Variants in NDE1 observed in about 807,000 individuals in gnomAD.
NDE1 encodes nudE neurodevelopment protein 1.
A neutral mutation model predicts 43.4 loss-of-function variants in NDE1; 28 were observed. That is an observed-to-expected ratio of 0.65 (90% confidence interval 0.48 to 0.89). NDE1 has a LOEUF of 0.89. Among genes scored for constraint, NDE1 ranks in the 40% least tolerant of loss-of-function variants. The probability of loss-of-function intolerance (pLI) is 0.00; values close to 1 mark genes in which losing one functional copy is unlikely to be tolerated. For missense variants in NDE1, 441 were observed against 434.1 expected, an observed-to-expected ratio of 1.02 and a Z score of -0.14; for synonymous variants, 184 against 172.0, an observed-to-expected ratio of 1.07 and a Z score of -0.55.
At chr16:15,675,219 A>G (rs1322499585) in intron 3 of NDE1, among the ~76,000 whole-genome samples, 1 of 145,706 alleles carries the variant, frequency 6.9e-6, no homozygotes, top group Admixed American at 6.8e-5. Flanking sequence ...CACCACTGCC[A>G]GAGAGTTTTG....
rs571540776 is a variant in NDE1 at position 15,720,214 on chromosome 16, C to T, written c.948-3977C>T. The T allele has an allele frequency of 7.4e-6, 12 of 1,614,146 alleles. No homozygotes were observed. In the South Asian group the frequency reaches 8.8e-5, roughly 12 times the overall value. On this transcript the variant is annotated intron_variant, in intron 8 of 8. Transcript: ENST00000396354. Reference sequence around the variant, plus strand: ...CCTTGATGGCAGAGTCGGCCTGAAGCTCCAGGTCTTTCAGGTCCCCTTCCA... The same window carrying T: ...CCTTGATGGCAGAGTCGGCCTGAAGTTCCAGGTCTTTCAGGTCCCCTTCCA...
In NDE1 at chr16:15,721,157, C is replaced by A. The variant is rs976000114; in HGVS notation, c.948-3034C>A. 3.1e-6 allele frequency: 4 copies of A among 1,283,666 alleles called. No homozygotes were observed. The Admixed American group carries it at 5.7e-5, about 18-fold the overall frequency. The allele number at this position is 1,283,666 out of a possible 1,614,324, so 79.5% of individuals were successfully genotyped here. ...CAGGAGATCAGGGAGGTGGCTTTGG[C>A]CTCCCACAGGATGCATGGCCGGGAC... is the stretch of plus-strand genomic sequence containing the variant. On this transcript the variant is annotated intron_variant, in intron 8 of 8. Coordinates refer to ENST00000396354, the MANE Select transcript of NDE1 (RefSeq NM_017668.3).
At chr16:15,671,815 C>T (rs537671823) in intron 3 of NDE1, among the ~76,000 whole-genome samples, 15 of 152,128 alleles carry the variant, frequency 9.9e-5, no homozygotes, top group African/African-American at 3.6e-4. Flanking sequence ...CTCAGCCTCC[C>T]AAGTAGCTGA....
intron 1 of NDE1, among the ~76,000 whole-genome samples, chr16:15,660,948 C>T (rs577065530): frequency 6.6e-6 from 1 of 152,272 alleles, no homozygotes; most frequent in Non-Finnish European, 1.5e-5. Flanking sequence ...TACACAGTCC[C>T]TAGGCGATTC....
intron 8 of NDE1, among the ~76,000 whole-genome samples, chr16:15,710,434 T>A (rs2039714611): frequency 6.6e-6 from 1 of 152,040 alleles, no homozygotes; most frequent in Non-Finnish European, 1.5e-5. Flanking sequence ...GGCAGGAGAA[T>A]CGCTTGAACC....
chr16:15,649,927 T>G (rs115691837), upstream of NDE1, among the ~76,000 whole-genome samples: 1,643 of 152,296 alleles, frequency 0.011, 36 homozygotes, highest in African/African-American at 0.036. Context: ...GGCCGGCGTA[T>G]TTTCCTGAAA....
At chr16:15,703,745 C>T (rs1179662297) in intron 8 of NDE1, 6 of 524,362 alleles carry the variant, frequency 1.1e-5, no homozygotes, top group African/African-American at 9.6e-5. Flanking sequence ...TGTACCACCA[C>T]GCCCAGCTTA....
Position 15,662,617 on chromosome 16 carries a change from C to T in NDE1, c.-43-2119C>T, listed in dbSNP as rs557879503. Reference sequence around the variant, plus strand: ...TTTTAAATAGGATCTCACTTCATCACCCAGGCTTTAGTGCAGTGGCACTAT... The same window carrying T: ...TTTTAAATAGGATCTCACTTCATCATCCAGGCTTTAGTGCAGTGGCACTAT... On this transcript the variant is annotated intron_variant, in intron 1 of 8. Coordinates refer to ENST00000396354, the MANE Select transcript of NDE1 (RefSeq NM_017668.3). Among the ~76,000 whole-genome samples the T allele has an allele frequency of 1.8e-3, 271 of 152,166 alleles. 1 individual carries two copies. Among genetic ancestry groups the T allele is most frequent in the African/African-American group, 5.8e-3 (242 of 41,506 alleles).
At chr16:15,675,786 C>A (rs749155148) in intron 3 of NDE1, among the ~76,000 whole-genome samples, 1 of 151,866 alleles carries the variant, frequency 6.6e-6, no homozygotes, top group Non-Finnish European at 1.5e-5. Context: ...CAAGAGAGCT[C>A]GGGAGTGGGC....
intron 8 of NDE1, among the ~76,000 whole-genome samples, chr16:15,712,124 G>A (rs2039836040): frequency 6.6e-6 from 1 of 152,216 alleles, no homozygotes; most frequent in African/African-American, 2.4e-5. Flanking sequence ...CATTTTAGCT[G>A]CTGAGCTGGA....
At chr16:15,714,352 A>C in intron 8 of NDE1, 1 of 165,700 alleles carries the variant, frequency 6.0e-6, no homozygotes, top group Admixed American at 5.6e-5. Context: ...TGGTTGTCAC[A>C]TTGCAGGGTG....
chr16:15,711,800 C>T (rs1306573089), intron 8 of NDE1, among the ~76,000 whole-genome samples: 2 of 152,116 alleles, frequency 1.3e-5, no homozygotes, highest in African/African-American at 4.8e-5. Context: ...TCAAGCGATT[C>T]TCCTGCCTCA....
chr16:15,716,213 A>G (rs1206550084), intron 8 of NDE1, among the ~76,000 whole-genome samples: 1 of 152,036 alleles, frequency 6.6e-6, no homozygotes, highest in Non-Finnish European at 1.5e-5. Flanking sequence ...GATTATGGGC[A>G]TGAAATACCA....
chr16:15,677,328 A>G (rs899444819), intron 3 of NDE1, among the ~76,000 whole-genome samples: 5 of 152,086 alleles, frequency 3.3e-5, no homozygotes, highest in African/African-American at 9.7e-5. Context: ...TCACACCTGT[A>G]ATCCCAGCAC....
At chr16:15,709,384 T>A (rs551893666) in intron 8 of NDE1, among the ~76,000 whole-genome samples, 36 of 149,666 alleles carry the variant, frequency 2.4e-4, no homozygotes, top group Admixed American at 1.3e-3. Context: ...GATCTATCTC[T>A]GCTCACTGCA....
At chr16:15,682,702 C>T in intron 4 of NDE1, among the ~76,000 whole-genome samples, 1 of 152,178 alleles carries the variant, frequency 6.6e-6, no homozygotes, top group Middle Eastern at 3.4e-3. Context: ...TAGTTTTACT[C>T]TTTTCATAAG....
chr16:15,644,375 G>T (rs951187640), intron 1 of NDE1, among the ~76,000 whole-genome samples: 14 of 152,224 alleles, frequency 9.2e-5, no homozygotes, highest in Admixed American at 8.5e-4. Context: ...GTGGAGGGCA[G>T]GATCAGACAT....
At position 15,714,689 on chromosome 16, in the gene NDE1, G is replaced by T. The variant is rs71376094; in HGVS notation, c.948-9502G>T. The T allele has an allele frequency of 0.033, 20,435 of 628,390 alleles. 525 individuals carry two copies. The highest frequency in any genetic ancestry group is 0.084 in the South Asian group (4,440 of 52,916). The allele number at this position is 628,390 out of a possible 1,614,324, so 38.9% of individuals were successfully genotyped here. A position where few individuals can be genotyped will look rare whatever the true frequency, so the allele number is the denominator to read the frequency against. On this transcript the variant is annotated intron_variant, in intron 8 of 8. Coordinates refer to ENST00000396354, the MANE Select transcript of NDE1 (RefSeq NM_017668.3). The stretch of plus-strand genomic sequence containing the variant: ...GATGGGAGACGGTCGATCGTTAAAG[G>T]ATCTAGAAGGTTAGCTGCTACCAGG...
chr16:15,698,029 C>A (rs896739736), intron 8 of NDE1, among the ~76,000 whole-genome samples: 8 of 151,966 alleles, frequency 5.3e-5, no homozygotes, highest in African/African-American at 1.9e-4. Context: ...GTCTTGATCT[C>A]GTGACATTGT....
Sources: allele counts gnomAD v4.1 joint callset (sites outside exome capture counted in the v4.1 genomes callset), GRCh38; gene constraint gnomAD v4.1.1; transcripts MANE v1.5; gene names NCBI Gene and HGNC (gene_info 2026-07-23, HGNC 2026-07-21).